The following GABRG2 variants were observed in gnomAD, a reference collection of about 807,000 sequenced individuals.
GABRG2 encodes gamma-aminobutyric acid type A receptor subunit gamma2, also known as gamma-aminobutyric acid receptor subunit gamma-2.
A neutral mutation model predicts 56.4 loss-of-function variants in GABRG2; 16 were observed. That is an observed-to-expected ratio of 0.28 (90% CI 0.19 to 0.43). GABRG2 has a LOEUF of 0.43. Ranked by LOEUF, GABRG2 falls within the 20% of genes least tolerant of loss-of-function variation. GABRG2 has a pLI of 1.00. For synonymous variants in GABRG2, 208 were observed against 205.5 expected (o/e 1.01, Z -0.10); for missense variants, 327 against 582.7 (o/e 0.56, Z 4.52).
intron 1 of GABRG2, among the ~76,000 whole-genome samples, chr5:162,088,669 A>G (rs1323305998): frequency 6.6e-6 from 1 of 152,130 alleles, no homozygotes. Flanking sequence ...TGTTTAATGC[A>G]TGTATAGCTG....
chr5:162,150,047 T>A (rs1033520900), intron 8 of GABRG2: 3 of 160,012 alleles, frequency 1.9e-5, no homozygotes, highest in African/African-American at 7.2e-5. Flanking sequence ...TGTATGGAGG[T>A]GGAATGTGGG....
At chr5:162,149,614 AG>A in intron 8 of GABRG2, 1 of 713,432 alleles carries the variant, frequency 1.4e-6, no homozygotes, top group Middle Eastern at 2.4e-4. Context: ...CTATTATTCC[AG>A]GTTTCACTGA....
intron 1 of GABRG2, among the ~76,000 whole-genome samples, chr5:162,069,146 A>G (rs1350166591): frequency 6.6e-6 from 1 of 152,168 alleles, no homozygotes; most frequent in African/African-American, 2.4e-5. Flanking sequence ...AGAGTATTAG[A>G]GGAGCAACCA....
At chr5:162,075,247 A>G (rs930038380) in intron 1 of GABRG2, among the ~76,000 whole-genome samples, 8 of 152,344 alleles carry the variant, frequency 5.3e-5, no homozygotes, top group Middle Eastern at 3.4e-3. Flanking sequence ...TCATGATAAC[A>G]TAGGGAAAAT....
At chr5:162,116,621 G>A (rs1301739263) in intron 6 of GABRG2, among the ~76,000 whole-genome samples, 1 of 151,802 alleles carries the variant, frequency 6.6e-6, no homozygotes, top group East Asian at 1.9e-4. Context: ...GCCTCTATAG[G>A]GATGGACTTT....
intron 1 of GABRG2, among the ~76,000 whole-genome samples, chr5:162,071,503 A>G (rs1486047638): frequency 2.0e-5 from 3 of 151,990 alleles, no homozygotes; most frequent in Non-Finnish European, 2.9e-5. Context: ...ATTTTTAAAA[A>G]GAAAATACAG....
At chr5:162,076,269 T>C (rs535524936) in intron 1 of GABRG2, among the ~76,000 whole-genome samples, 3 of 152,332 alleles carry the variant, frequency 2.0e-5, no homozygotes, top group African/African-American at 7.2e-5. Flanking sequence ...GTTACTCTTA[T>C]TGTTATTGTT....
chr5:162,101,649 T>C (rs1488417795), intron 5 of GABRG2: 6 of 321,780 alleles, frequency 1.9e-5, no homozygotes, highest in African/African-American at 4.3e-5. Flanking sequence ...TCTTTAATTA[T>C]ATATCCTCTT....
chr5:162,125,256 T>C (rs1763251886), intron 6 of GABRG2, among the ~76,000 whole-genome samples: 1 of 151,914 alleles, frequency 6.6e-6, no homozygotes, highest in South Asian at 2.1e-4. Flanking sequence ...GTTGAATCAT[T>C]GAGCAAACTC....
At chr5:162,131,706 A>G (rs1763770043) in intron 6 of GABRG2, among the ~76,000 whole-genome samples, 1 of 152,068 alleles carries the variant, frequency 6.6e-6, no homozygotes, top group South Asian at 2.1e-4. Context: ...CATACTATCA[A>G]TCCACAAGAT....
intron 6 of GABRG2, among the ~76,000 whole-genome samples, chr5:162,139,259 A>AC (rs1311590308): frequency 1.3e-5 from 2 of 152,214 alleles, no homozygotes; most frequent in African/African-American, 4.8e-5. Context: ...GGCAGAAGTA[A>AC]CCACCTTTGA....
At chr5:162,125,431 C>T (rs1443364190) in intron 6 of GABRG2, among the ~76,000 whole-genome samples, 2 of 142,988 alleles carry the variant, frequency 1.4e-5, no homozygotes, top group Non-Finnish European at 1.5e-5. Flanking sequence ...CATTTCCCAC[C>T]AAGATTTTGG....
chr5:162,144,725 G>A (rs10491328), intron 7 of GABRG2, among the ~76,000 whole-genome samples: 65 of 152,188 alleles, frequency 4.3e-4, no homozygotes, highest in African/African-American at 1.5e-3. Flanking sequence ...ATGAGACATA[G>A]GTTTGCTCTG....
chr5:162,112,403 A>G (rs1291903343), intron 6 of GABRG2, among the ~76,000 whole-genome samples: 1 of 92,736 alleles, frequency 1.1e-5, no homozygotes, highest in Admixed American at 1.3e-4. Context: ...AATAAATTTG[A>G]AAGACATTTT....
chr5:162,089,123 T>G (rs900243176), intron 1 of GABRG2, among the ~76,000 whole-genome samples: 7 of 152,088 alleles, frequency 4.6e-5, no homozygotes, highest in Non-Finnish European at 8.8e-5. Flanking sequence ...CGATGGGATG[T>G]TTGTATTGAA....
intron 1 of GABRG2, among the ~76,000 whole-genome samples, chr5:162,092,193 T>TG (rs1760654033): frequency 6.6e-6 from 1 of 152,078 alleles, no homozygotes; most frequent in African/African-American, 2.4e-5. Flanking sequence ...GGCAGCACAC[T>TG]GGCCTCTGCT....
chr5:162,142,102 A>G (rs1764610352), intron 6 of GABRG2, 62 bp from the exon 7 acceptor site: 2 of 1,502,470 alleles, frequency 1.3e-6, no homozygotes, highest in South Asian at 2.3e-5. Flanking sequence ...ATACATGCTT[A>G]GTTTTAATGT....
At chr5:162,102,693 G>C in intron 5 of GABRG2, 1 of 422,958 alleles carries the variant, frequency 2.4e-6, no homozygotes, top group South Asian at 1.7e-5. Flanking sequence ...ACCATACCCA[G>C]CTAATTTCTG....
intron 1 of GABRG2, among the ~76,000 whole-genome samples, chr5:162,077,037 GT>G (rs1477654108): frequency 1.3e-5 from 2 of 151,322 alleles, no homozygotes; most frequent in African/African-American, 4.9e-5. Context: ...TAGATGAAGT[GT>G]TTTCCAAATG....
Sources: allele counts gnomAD v4.1 joint callset (sites outside exome capture counted in the v4.1 genomes callset), GRCh38; gene constraint gnomAD v4.1.1; transcripts MANE v1.5; gene names NCBI Gene and HGNC (gene_info 2026-07-23, HGNC 2026-07-21).